SV2C: variants seen among roughly 807,000 people sequenced by gnomAD.
SV2C encodes synaptic vesicle glycoprotein 2C.
Under a neutral mutation model 79.7 loss-of-function variants are expected in SV2C, and 49 were observed. That is an observed-to-expected ratio of 0.61 (90% CI 0.49 to 0.78). The LOEUF (loss-of-function observed/expected upper bound fraction) is 0.78. Ranked by LOEUF, SV2C falls within the 30% of genes least tolerant of loss-of-function variation. The pLI, the probability that SV2C is intolerant of heterozygous loss-of-function variation, is 0.00. For synonymous variants in SV2C, 334 were observed against 333.2 expected (o/e 1.00, Z -0.03); for missense variants, 833 against 912.9 (o/e 0.91, Z 1.13).
At chr5:76,272,265 G>A (rs528526005) in intron 4 of SV2C, among the ~76,000 whole-genome samples, 5 of 152,190 alleles carry the variant, frequency 3.3e-5, no homozygotes, top group East Asian at 3.9e-4. Context: ...CCTTGCCCCC[G>A]GGAGAAAAAT....
chr5:75,888,178 G>A, the SV2C span, among the ~76,000 whole-genome samples: 5 of 151,978 alleles, frequency 3.3e-5, no homozygotes, highest in African/African-American at 1.2e-4. Context: ...CTGACAAAGG[G>A]GGCTTCTGTA....
At chr5:76,311,909 T>A (rs1199291909) in intron 12 of SV2C, among the ~76,000 whole-genome samples, 1 of 152,194 alleles carries the variant, frequency 6.6e-6, no homozygotes, top group East Asian at 1.9e-4. Context: ...TTGGGTTTAG[T>A]CTGTGCTGGT....
intron 10 of SV2C, among the ~76,000 whole-genome samples, chr5:76,299,920 T>C (rs567671263): frequency 1.3e-5 from 2 of 152,308 alleles, no homozygotes; most frequent in South Asian, 4.1e-4. Flanking sequence ...CAATGAATGC[T>C]GGTGACCTTC....
At position 76,151,224 on chromosome 5, in the gene SV2C, C is replaced by T. The variant is rs567655265; in HGVS notation, c.580+18894C>T. 5.9e-5 allele frequency among the ~76,000 whole-genome samples: 9 copies of T among 152,240 alleles called. No individual in the cohort carries two copies. In the South Asian group the frequency reaches 1.9e-3, roughly 32 times the overall value. ...TTTCTGAAAGACAGAACAAACTGAG[C>T]AAAGGCACAAAGGCATGGAAATCTT... On this transcript the variant is annotated intron_variant, in intron 2 of 12. Transcript: ENST00000502798.
the SV2C span, among the ~76,000 whole-genome samples, chr5:75,852,584 G>T: frequency 1.3e-5 from 2 of 152,096 alleles, no homozygotes; most frequent in Non-Finnish European, 2.9e-5. Flanking sequence ...AAGGCAAAAT[G>T]AAGACATTTT....
the SV2C span, among the ~76,000 whole-genome samples, chr5:76,071,118 A>G: frequency 5.3e-5 from 8 of 152,232 alleles, no homozygotes; most frequent in Admixed American, 2.6e-4. Context: ...TTGAGAGAGC[A>G]GGCAAGTGCT....
At chr5:76,042,758 G>A in the SV2C span, among the ~76,000 whole-genome samples, 159 of 152,248 alleles carry the variant, frequency 1.0e-3, 3 homozygotes, top group East Asian at 0.03. Context: ...CCAGGTTTCA[G>A]TCTATCTCAA....
the SV2C span, among the ~76,000 whole-genome samples, chr5:76,066,459 G>T: frequency 2.0e-5 from 2 of 101,276 alleles, no homozygotes; most frequent in African/African-American, 7.5e-5. Flanking sequence ...GGGGTGGGGG[G>T]AGGGGGGAGG....
chr5:76,175,295 A>G (rs1743488410), intron 2 of SV2C, among the ~76,000 whole-genome samples: 2 of 152,202 alleles, frequency 1.3e-5, no homozygotes, highest in South Asian at 4.1e-4. Flanking sequence ...CTGAAACACA[A>G]TATGAATTGC....
At chr5:75,920,406 G>T in the SV2C span, among the ~76,000 whole-genome samples, 1 of 152,210 alleles carries the variant, frequency 6.6e-6, no homozygotes, top group Non-Finnish European at 1.5e-5. Context: ...AAATGCAGTT[G>T]CATGGAGCTG....
chr5:76,192,097 C>T (rs980615005), intron 2 of SV2C, among the ~76,000 whole-genome samples: 17 of 152,074 alleles, frequency 1.1e-4, no homozygotes, highest in Non-Finnish European at 2.2e-4. Flanking sequence ...CATCTCCTCC[C>T]CTCAAACATG....
At chr5:76,148,532 C>T (rs1231797197) in intron 2 of SV2C, among the ~76,000 whole-genome samples, 2 of 152,172 alleles carry the variant, frequency 1.3e-5, no homozygotes, top group Non-Finnish European at 2.9e-5. Context: ...TCACTGTAGC[C>T]TCAACCTCCT....
At chr5:75,907,154 AC>A in the SV2C span, among the ~76,000 whole-genome samples, 1 of 151,732 alleles carries the variant, frequency 6.6e-6, no homozygotes, top group Non-Finnish European at 1.5e-5. Context: ...CAAATGACCA[AC>A]CCCTCAAGAC....
the SV2C span, among the ~76,000 whole-genome samples, chr5:76,003,221 C>A: frequency 2.0e-5 from 3 of 152,134 alleles, no homozygotes; most frequent in Non-Finnish European, 2.9e-5. Context: ...AAACCTTAAA[C>A]CTCTTTCCTT....
At chr5:75,939,352 C>T in the SV2C span, among the ~76,000 whole-genome samples, 1 of 151,982 alleles carries the variant, frequency 6.6e-6, no homozygotes, top group East Asian at 1.9e-4. Flanking sequence ...CTATGTCCTC[C>T]CATGGCAGAC....
At chr5:75,960,377 A>G in the SV2C span, among the ~76,000 whole-genome samples, 2 of 152,010 alleles carry the variant, frequency 1.3e-5, no homozygotes, top group Admixed American at 6.6e-5. Flanking sequence ...TGGTGGTCTC[A>G]TAAGATTATA....
rs189396712 is a variant in SV2C at position 76,310,749 on chromosome 5, A to G, written c.2000+9204A>G. On this transcript the variant is annotated intron_variant, in intron 12 of 12. Transcript: ENST00000502798. ...GAAAACAAAGGCCTCCATAGAAATA[A>G]CATGTCTGAGAGGCAAGAGTTGGAG... Among the ~76,000 whole-genome samples, 166 of 152,306 alleles carry G rather than the reference A, an allele frequency of 1.1e-3. 1 individual carries two copies. Among genetic ancestry groups the G allele is most frequent in the Admixed American group, 9.5e-3 (145 of 15,300 alleles).
At chr5:76,100,023 T>C (rs1349332145) in intron 1 of SV2C, among the ~76,000 whole-genome samples, 4 of 152,216 alleles carry the variant, frequency 2.6e-5, no homozygotes, top group African/African-American at 9.6e-5. Context: ...AATATTTTAT[T>C]TGTAAGATGC....
At chr5:76,005,780 G>C in the SV2C span, among the ~76,000 whole-genome samples, 1 of 152,152 alleles carries the variant, frequency 6.6e-6, no homozygotes, top group African/African-American at 2.4e-5. Flanking sequence ...GGGAAAATCA[G>C]AGTTCCAGTG....
Sources: gnomAD v4.1 joint callset for allele counts (sites outside exome capture counted in the v4.1 genomes callset) on GRCh38, gnomAD v4.1.1 for gene constraint, MANE v1.5 for transcripts, NCBI Gene and HGNC (gene_info 2026-07-23, HGNC 2026-07-21) for gene names.